GALM: variants seen among roughly 807,000 people sequenced by gnomAD.
GALM encodes galactose mutarotase.
GALM carries 43 observed loss-of-function variants against 37.4 expected under a neutral mutation model. That is an observed-to-expected ratio of 1.15 (90% CI 0.90 to 1.48). The LOEUF is 1.48. Ranked by LOEUF, GALM falls within the 40% of genes most tolerant of loss-of-function variation. The pLI, the probability that GALM is intolerant of heterozygous loss-of-function variation, is 0.00. For synonymous variants in GALM, 199 were observed against 170.6 expected, an observed-to-expected ratio of 1.17 and a Z score of -1.30; for missense variants, 456 against 419.1, an observed-to-expected ratio of 1.09 and a Z score of -0.77.
intron 4 of GALM, among the ~76,000 whole-genome samples, chr2:38,714,203 GT>G (rs796408281): frequency 2.0e-5 from 3 of 150,932 alleles, no homozygotes; most frequent in African/African-American, 7.3e-5. Flanking sequence ...CTACTTTGGG[GT>G]TTTTTTTGCG....
In GALM at chr2:38,681,324, G is replaced by C; in HGVS notation, c.390G>C (p.Ser130=). 6.2e-7 allele frequency: 1 copy of C among 1,613,826 alleles called. No homozygotes were observed. Among genetic ancestry groups the C allele is most frequent in the Non-Finnish European group, 8.5e-7 (1 of 1,180,020 alleles). Residue 130 remains serine, a synonymous_variant, in exon 3 of 7, where the codon TCG becomes TCC. Coordinates refer to ENST00000272252, the MANE Select transcript of GALM (RefSeq NM_138801.3). Reference sequence around the variant, plus strand: ...TGCTGTCAAATGGCGTCCAGTTCTCGCGCATCAGTCCAGATGGTGAAGAAG... The same window carrying C: ...TGCTGTCAAATGGCGTCCAGTTCTCCCGCATCAGTCCAGATGGTGAAGAAG... The part of the protein sequence containing the change: ...PRVLSNGVQF[S]RISPDGEEGY...
intron 4 of GALM, among the ~76,000 whole-genome samples, chr2:38,707,532 C>A (rs1666056072): frequency 6.6e-6 from 1 of 152,180 alleles, no homozygotes; most frequent in African/African-American, 2.4e-5. Context: ...TGGGAACCTG[C>A]ATGGCTGTGG....
chr2:38,675,543 TTGTGTGTGTGTGTGTGTGTG>T (rs1160196072), intron 1 of GALM, among the ~76,000 whole-genome samples: 12 of 33,636 alleles, frequency 3.6e-4, no homozygotes, highest in African/African-American at 1.1e-3. Context: ...TTTTTTTTTT[TTGTGTGTGTGTGTGTGTGTG>T]TGTGTGTGTG....
chr2:38,669,885 A>T (rs1665044590), intron 1 of GALM, among the ~76,000 whole-genome samples: 1 of 148,692 alleles, frequency 6.7e-6, no homozygotes, highest in Non-Finnish European at 1.5e-5. Flanking sequence ...AGAAGAAAAA[A>T]AAAGTTTTTC....
rs66613702 is a variant in GALM at position 38,731,396 on chromosome 2, CAAAAAAA to C, written c.777-322_777-316del. On this transcript the variant is annotated intron_variant, in intron 5 of 6. Coordinates refer to ENST00000272252, the MANE Select transcript of GALM (RefSeq NM_138801.3). Reference sequence around the variant, plus strand: ...TGGGCAATAGAGAAAGACTCTATTTCAAAAAAAAAAAAAAAAAAAAAAAGAATCTCAG... The same window carrying C: ...TGGGCAATAGAGAAAGACTCTATTTCAAAAAAAAAAAAAAAAGAATCTCAG... 3.3e-3 allele frequency among the ~76,000 whole-genome samples: 398 copies of C among 121,668 alleles called. 3 individuals are homozygous for C. Among genetic ancestry groups the C allele is most frequent in the African/African-American group, 0.012 (369 of 31,534 alleles). 79.8% of individuals were successfully genotyped at this position (121,668 alleles called of 152,430 possible).
chr2:38,675,535 T>TGTGTG (rs1665230525), intron 1 of GALM, among the ~76,000 whole-genome samples: 7 of 95,466 alleles, frequency 7.3e-5, no homozygotes, highest in Non-Finnish European at 1.2e-4. Context: ...TGTTTTTTTT[T>TGTGTG]TTTTTTTTTG....
At chr2:38,719,256 G>A (rs1666327969) in intron 4 of GALM, among the ~76,000 whole-genome samples, 1 of 151,698 alleles carries the variant, frequency 6.6e-6, no homozygotes, top group African/African-American at 2.4e-5. Context: ...TGGATCACGA[G>A]GTCAGGAGTT....
chr2:38,728,313 G>C (rs553746583), intron 4 of GALM, among the ~76,000 whole-genome samples: 1 of 151,910 alleles, frequency 6.6e-6, no homozygotes, highest in South Asian at 2.1e-4. Flanking sequence ...AGAATCACTT[G>C]AACCTGGGAG....
intron 1 of GALM, among the ~76,000 whole-genome samples, chr2:38,671,874 C>T (rs2148424024): frequency 6.6e-6 from 1 of 152,122 alleles, no homozygotes; most frequent in Admixed American, 6.5e-5. Context: ...TGCCTGTAGT[C>T]CCAGCTATTT....
chr2:38,672,695 A>G (rs1338740848), intron 1 of GALM, among the ~76,000 whole-genome samples: 1 of 152,170 alleles, frequency 6.6e-6, no homozygotes, highest in African/African-American at 2.4e-5. Flanking sequence ...TAGTGTCTAC[A>G]TCATAGAAAC....
At chr2:38,691,951 G>A (rs934375256) in intron 4 of GALM, among the ~76,000 whole-genome samples, 1 of 152,040 alleles carries the variant, frequency 6.6e-6, no homozygotes, top group Non-Finnish European at 1.5e-5. Flanking sequence ...AGTTTTCTGG[G>A]GACCAGTGAA....
At chr2:38,706,069 G>A (rs111393796) in intron 4 of GALM, among the ~76,000 whole-genome samples, 14,596 of 151,620 alleles carry the variant, frequency 0.096, 773 homozygotes, top group Middle Eastern at 0.11. Flanking sequence ...GCAGTGACAC[G>A]ATTTTGGCTC....
chr2:38,726,182 C>G (rs1666481759), intron 4 of GALM, among the ~76,000 whole-genome samples: 1 of 151,650 alleles, frequency 6.6e-6, no homozygotes, highest in South Asian at 2.1e-4. Context: ...TATTGTGTCT[C>G]TAGCACCATC....
intron 3 of GALM, among the ~76,000 whole-genome samples, chr2:38,685,539 A>G (rs985842034): frequency 1.3e-5 from 2 of 152,142 alleles, no homozygotes; most frequent in Non-Finnish European, 2.9e-5. Context: ...AGTTAACCAA[A>G]ACAAACACTG....
rs755008518 is a variant in GALM, at chr2:38,689,819, C to G, written c.559C>G (p.Pro187Ala). ...SYFNLAGQAS[P>A]NINDHEVTIE... The stretch of plus-strand genomic sequence containing the variant: ...CCCTACCTTTTCCTCCCAGGCTTCC[C>G]CAAATATAAATGACCATGAAGTCAC... The change falls in exon 4 of 7, where the codon CCA becomes GCA. Residue 187 changes from proline (P) to alanine (A), a missense_variant. By Grantham distance (27) the Pro-to-Ala change is conservative. Coordinates refer to ENST00000272252, the MANE Select transcript of GALM (RefSeq NM_138801.3). 2 of 1,598,162 alleles carry G rather than the reference C, an allele frequency of 1.3e-6. No individual in the cohort carries two copies. Among genetic ancestry groups the G allele is most frequent in the East Asian group, 4.5e-5 (2 of 44,672 alleles).
chr2:38,682,349 T>C (rs551554514), intron 3 of GALM: 88 of 415,434 alleles, frequency 2.1e-4, no homozygotes, highest in Middle Eastern at 4.9e-4. Flanking sequence ...GAACTCATCA[T>C]TGTCTACTAT....
chr2:38,714,922 G>A lies in GALM; in HGVS notation c.635-14634G>A, dbSNP rs372686108. ...TGTGATGTTTCTTTGTTGATTTTCT[G>A]TCTAAATAATCTGTCCAATGCTGAG... is the stretch of plus-strand genomic sequence containing the variant. On this transcript the variant is annotated intron_variant, in intron 4 of 6. Transcript: ENST00000272252. 4.6e-5 allele frequency among the ~76,000 whole-genome samples: 7 copies of A among 152,248 alleles called. No homozygotes were observed. In the East Asian group the frequency reaches 1.2e-3, roughly 25 times the overall value.
chr2:38,702,932 T>TATATATATATATATATA (rs1553382842), intron 4 of GALM, among the ~76,000 whole-genome samples: 1 of 134,888 alleles, frequency 7.4e-6, no homozygotes, highest in African/African-American at 2.8e-5. Context: ...TATATACTTT[T>TATATATATATATATATA]TATATATATA....
At chr2:38,668,991 T>C (rs992149714) in intron 1 of GALM, 1 of 152,110 alleles carries the variant, frequency 6.6e-6, no homozygotes, top group African/African-American at 2.4e-5. Flanking sequence ...ATAAACTGTT[T>C]GGATGACAGC....
Sources: gnomAD v4.1 joint callset for allele counts (sites outside exome capture counted in the v4.1 genomes callset) on GRCh38, gnomAD v4.1.1 for gene constraint, MANE v1.5 for transcripts, NCBI Gene and HGNC (gene_info 2026-07-23, HGNC 2026-07-21) for gene names.